AGBL1: variants seen among roughly 807,000 people sequenced by gnomAD.
The protein encoded by AGBL1 is cytosolic carboxypeptidase 4.
In AGBL1, 130 loss-of-function variants were observed where a neutral mutation model predicts 118.9. The ratio of observed to expected loss-of-function variants is 1.09; its 90% CI spans 0.95 to 1.26. The LOEUF (loss-of-function observed/expected upper bound fraction) is 1.26. Among genes scored for constraint, AGBL1 ranks in the 50% most tolerant of loss-of-function variants. The probability of loss-of-function intolerance (pLI) is 0.00; values close to 1 mark genes in which losing one functional copy is unlikely to be tolerated. For missense variants in AGBL1, 1,584 were observed against 1,298.1 expected (o/e 1.22, Z -3.38); for synonymous variants, 555 against 478.9 (o/e 1.16, Z -2.08).
intron 18 of AGBL1, among the ~76,000 whole-genome samples, chr15:86,492,522 G>A (rs772064566): frequency 2.1e-4 from 31 of 151,118 alleles, no homozygotes; most frequent in Non-Finnish European, 3.8e-4. Context: ...ACTGGGAGGC[G>A]GAGGTTGCAG....
intron 18 of AGBL1, among the ~76,000 whole-genome samples, chr15:86,398,853 A>G (rs181849822): frequency 6.6e-6 from 1 of 152,300 alleles, no homozygotes; most frequent in African/African-American, 2.4e-5. Context: ...AAACCAGGTT[A>G]AAGGAAAGCA....
At chr15:86,321,559 A>G (rs531774442) in intron 17 of AGBL1, among the ~76,000 whole-genome samples, 5 of 152,004 alleles carry the variant, frequency 3.3e-5, no homozygotes, top group Admixed American at 3.3e-4. Context: ...ACCAGAGGTC[A>G]GGGGTTCGAG....
chr15:86,636,820 G>C, intron 21 of AGBL1, among the ~76,000 whole-genome samples: 1 of 140,630 alleles, frequency 7.1e-6, no homozygotes, highest in Non-Finnish European at 1.5e-5. Flanking sequence ...CTGAAACACT[G>C]TGACATCACC....
intron 3 of AGBL1, among the ~76,000 whole-genome samples, chr15:86,144,498 T>A (rs1388535734): frequency 6.6e-6 from 1 of 152,136 alleles, no homozygotes; most frequent in African/African-American, 2.4e-5. Flanking sequence ...AAGAATGAGA[T>A]CATGTCCTTT....
At chr15:86,888,858 G>A (rs1385022650) in intron 22 of AGBL1, among the ~76,000 whole-genome samples, 3 of 152,108 alleles carry the variant, frequency 2.0e-5, no homozygotes, top group Non-Finnish European at 4.4e-5. Context: ...AGTTAAAAAT[G>A]AGCACTTTTG....
chr15:86,737,360 A>G (rs1450734211), intron 22 of AGBL1, among the ~76,000 whole-genome samples: 4 of 152,238 alleles, frequency 2.6e-5, no homozygotes, highest in Non-Finnish European at 4.4e-5. Flanking sequence ...AATGAGAGCC[A>G]TAACAATGGT....
chr15:86,861,440 C>G (rs973178791), intron 22 of AGBL1, among the ~76,000 whole-genome samples: 3 of 152,126 alleles, frequency 2.0e-5, no homozygotes, highest in African/African-American at 7.2e-5. Context: ...GTTATTATCC[C>G]TATTCTATTA....
At chr15:86,898,100 T>C (rs2080157272) in intron 22 of AGBL1, among the ~76,000 whole-genome samples, 1 of 152,140 alleles carries the variant, frequency 6.6e-6, no homozygotes, top group Non-Finnish European at 1.5e-5. Flanking sequence ...AAATAAATTA[T>C]TAAATGAATG....
At chr15:86,230,439 G>C (rs1300582211) in intron 6 of AGBL1, among the ~76,000 whole-genome samples, 1 of 152,194 alleles carries the variant, frequency 6.6e-6, no homozygotes, top group African/African-American at 2.4e-5. Context: ...TTAATCCTTT[G>C]ATCTCATGAC....
At chr15:86,118,204 T>G (rs1897877432) in intron 1 of AGBL1, among the ~76,000 whole-genome samples, 1 of 152,206 alleles carries the variant, frequency 6.6e-6, no homozygotes, top group African/African-American at 2.4e-5. Flanking sequence ...AAGCAAACTC[T>G]CATTTGAGGT....
rs530333653 is a variant in AGBL1, at chr15:86,411,363, C to T, written c.2555+13817C>T. On this transcript the variant is annotated intron_variant, in intron 18 of 22. Coordinates refer to ENST00000614907, the MANE Select transcript of AGBL1 (RefSeq NM_001386094.1). ...TCAGGAACCAGAAGGAATTGCACCT[C>T]GAAGGCTGGCATTGGAAAATTGCCC... Among the ~76,000 whole-genome samples the T allele has an allele frequency of 3.9e-5, 6 of 152,220 alleles. No homozygotes were observed. The South Asian group carries it at 6.2e-4, about 16-fold the overall frequency.
At chr15:86,523,643 T>C (rs575496265) in intron 19 of AGBL1, among the ~76,000 whole-genome samples, 29 of 152,234 alleles carry the variant, frequency 1.9e-4, no homozygotes, top group African/African-American at 6.7e-4. Context: ...AGAAAGAAAA[T>C]GTATATACCT....
intron 23 of AGBL1, among the ~76,000 whole-genome samples, chr15:86,969,637 G>A (rs2081087974): frequency 6.6e-6 from 1 of 152,026 alleles, no homozygotes; most frequent in African/African-American, 2.4e-5. Context: ...TTTAGTTTGT[G>A]TATTCATGTG....
intron 21 of AGBL1, among the ~76,000 whole-genome samples, chr15:86,617,450 AG>A (rs1441620348): frequency 6.6e-6 from 1 of 152,128 alleles, no homozygotes; most frequent in Non-Finnish European, 1.5e-5. Context: ...AAAACTCTCT[AG>A]TACAGAATTG....
At chr15:86,553,985 T>C (rs895075361) in intron 20 of AGBL1, among the ~76,000 whole-genome samples, 1 of 152,016 alleles carries the variant, frequency 6.6e-6, no homozygotes, top group Middle Eastern at 3.2e-3. Context: ...CTCAGCCTCC[T>C]GAGTAGCTGG....
chr15:86,682,420 ATAAAT>A (rs1006543124), intron 22 of AGBL1, among the ~76,000 whole-genome samples: 30 of 152,210 alleles, frequency 2.0e-4, no homozygotes, highest in Admixed American at 3.3e-4. Context: ...TCTATAATAG[ATAAAT>A]TAAAATAGTG....
chr15:86,684,951 A>T (rs1470124562), intron 22 of AGBL1, among the ~76,000 whole-genome samples: 1 of 152,200 alleles, frequency 6.6e-6, no homozygotes, highest in Non-Finnish European at 1.5e-5. Flanking sequence ...TTTTATTTTT[A>T]TGTTGACTGG....
intron 5 of AGBL1, among the ~76,000 whole-genome samples, chr15:86,195,312 A>AT (rs2077784595): frequency 6.6e-6 from 1 of 152,064 alleles, no homozygotes; most frequent in Admixed American, 6.6e-5. Context: ...GACTGGCTGA[A>AT]TTTGCATATA....
intron 21 of AGBL1, among the ~76,000 whole-genome samples, chr15:86,650,033 T>C (rs1226771436): frequency 1.3e-5 from 2 of 152,342 alleles, no homozygotes; most frequent in Non-Finnish European, 2.9e-5. Flanking sequence ...AAAGTATCAT[T>C]CAGCATTCTT....
Sources: gnomAD v4.1 joint callset for allele counts (sites outside exome capture counted in the v4.1 genomes callset) on GRCh38, gnomAD v4.1.1 for gene constraint, MANE v1.5 for transcripts, NCBI Gene and HGNC (gene_info 2026-07-23, HGNC 2026-07-21) for gene names.